PRIM2: variants seen among roughly 807,000 people sequenced by gnomAD.
The protein encoded by PRIM2 is DNA primase large subunit.
PRIM2 carries 39 observed loss-of-function variants against 67.3 expected under a neutral mutation model. The ratio of observed to expected loss-of-function variants is 0.58; its 90% CI spans 0.45 to 0.76. The LOEUF (loss-of-function observed/expected upper bound fraction) is 0.76. Ranked by LOEUF, PRIM2 falls within the 30% of genes least tolerant of loss-of-function variation. PRIM2 has a pLI of 0.00. For missense variants in PRIM2, 398 were observed against 598.7 expected, an observed-to-expected ratio of 0.66 and a Z score of 3.50; for synonymous variants, 143 against 198.7, an observed-to-expected ratio of 0.72 and a Z score of 2.36.
intron 10 of PRIM2, among the ~76,000 whole-genome samples, chr6:57,555,881 T>G (rs1775505255): frequency 6.6e-6 from 1 of 152,208 alleles, no homozygotes; most frequent in Admixed American, 6.5e-5. Flanking sequence ...GAGCCCTAAC[T>G]TTAGCCAAGG....
At chr6:57,323,642 G>GGA (rs1048672923) in intron 3 of PRIM2, among the ~76,000 whole-genome samples, 1 of 152,012 alleles carries the variant, frequency 6.6e-6, no homozygotes, top group African/African-American at 2.4e-5. Flanking sequence ...GGGGTCAAGG[G>GGA]GAGAGACAGC....
Position 57,506,006 on chromosome 6 carries a change from C to T in PRIM2, c.694-1381C>T, listed in dbSNP as rs1319208050. On this transcript the variant is annotated intron_variant, in intron 7 of 13. Coordinates refer to ENST00000615550, the MANE Select transcript of PRIM2 (RefSeq NM_000947.5). ...AATGGCATTTTGTAACAGGATTTGA[C>T]ATTAACAGATAAAGGATGTATTAAA... Among the ~76,000 whole-genome samples the T allele has an allele frequency of 6.3e-4, 96 of 151,962 alleles. No homozygotes were observed. In the East Asian group the frequency reaches 0.016, roughly 25 times the overall value.
At chr6:57,426,022 A>T (rs1771612637) in intron 7 of PRIM2, among the ~76,000 whole-genome samples, 1 of 152,226 alleles carries the variant, frequency 6.6e-6, no homozygotes, top group African/African-American at 2.4e-5. Context: ...CTTTTCACAT[A>T]AAGATATATT....
At chr6:57,523,682 T>G (rs1774677878) in intron 8 of PRIM2, among the ~76,000 whole-genome samples, 1 of 148,436 alleles carries the variant, frequency 6.7e-6, no homozygotes, top group Admixed American at 6.7e-5. Context: ...ATGATCCATC[T>G]TCTGCTAACA....
chr6:57,420,377 C>G (rs547792568), intron 7 of PRIM2, among the ~76,000 whole-genome samples: 1 of 152,188 alleles, frequency 6.6e-6, no homozygotes. Context: ...GTGGCGTGCA[C>G]CTGTAATCCC....
intron 10 of PRIM2, among the ~76,000 whole-genome samples, chr6:57,557,415 T>C (rs1163414778): frequency 6.6e-6 from 1 of 152,162 alleles, no homozygotes; most frequent in Non-Finnish European, 1.5e-5. Flanking sequence ...GGTACACATA[T>C]ACCATGGAAT....
the PRIM2 span, among the ~76,000 whole-genome samples, chr6:57,244,512 G>A: frequency 6.6e-6 from 1 of 152,166 alleles, no homozygotes; most frequent in Non-Finnish European, 1.5e-5. Flanking sequence ...TGTAATCCTA[G>A]CACTTTGGGA....
At chr6:57,369,904 A>T (rs1769488268) in intron 5 of PRIM2, among the ~76,000 whole-genome samples, 2 of 152,252 alleles carry the variant, frequency 1.3e-5, no homozygotes, top group South Asian at 4.1e-4. Context: ...CAAAATGTAA[A>T]TTACAGGTAG....
chr6:57,638,575 G>GAAAA (rs1777164425), intron 13 of PRIM2, among the ~76,000 whole-genome samples: 1 of 12,118 alleles, frequency 8.3e-5, no homozygotes, highest in African/African-American at 4.2e-4. Context: ...CAAACAGAAA[G>GAAAA]CAAAAAAAAA....
chr6:57,370,907 A>G (rs1050401628), intron 5 of PRIM2, among the ~76,000 whole-genome samples: 6 of 152,104 alleles, frequency 3.9e-5, no homozygotes, highest in African/African-American at 1.4e-4. Context: ...CATGTTGGCC[A>G]GGCTGGGCTC....
chr6:57,379,557 T>C (rs1462443805), intron 5 of PRIM2, among the ~76,000 whole-genome samples: 1 of 152,206 alleles, frequency 6.6e-6, no homozygotes, highest in Non-Finnish European at 1.5e-5. Context: ...TAACTCAAAT[T>C]AGGATAATGC....
the PRIM2 span, among the ~76,000 whole-genome samples, chr6:57,301,616 A>G: frequency 6.6e-6 from 1 of 152,240 alleles, no homozygotes; most frequent in African/African-American, 2.4e-5. Context: ...AGCCTGGCCA[A>G]CATGGTGAAA....
At chr6:57,394,676 C>T (rs78199903) in intron 7 of PRIM2, among the ~76,000 whole-genome samples, 9 of 152,116 alleles carry the variant, frequency 5.9e-5, no homozygotes, top group Admixed American at 2.6e-4. Flanking sequence ...CTGATTGCTC[C>T]GGCTAGGACT....
intron 7 of PRIM2, among the ~76,000 whole-genome samples, chr6:57,458,995 A>G (rs1411302611): frequency 1.3e-5 from 2 of 152,208 alleles, no homozygotes; most frequent in Non-Finnish European, 2.9e-5. Context: ...TGAACAAAAA[A>G]ATAACTATTT....
chr6:57,434,901 A>T (rs994370162), intron 7 of PRIM2: 2 of 152,028 alleles, frequency 1.3e-5, no homozygotes, highest in Non-Finnish European at 2.9e-5. Flanking sequence ...CCAGCCTCCG[A>T]GTAGCTGGGA....
chr6:57,597,387 TA>T (rs1301212498), intron 10 of PRIM2, among the ~76,000 whole-genome samples: 4 of 151,168 alleles, frequency 2.6e-5, no homozygotes, highest in African/African-American at 9.7e-5. Context: ...TTATCCTCCT[TA>T]AACCTTTAGG....
chr6:57,456,575 A>C (rs1445767460), intron 7 of PRIM2, among the ~76,000 whole-genome samples: 2 of 152,302 alleles, frequency 1.3e-5, no homozygotes, highest in Admixed American at 6.5e-5. Flanking sequence ...CAGTTGATCG[A>C]ATCGGCTACT....
intron 5 of PRIM2, among the ~76,000 whole-genome samples, chr6:57,357,375 C>G (rs1452333353): frequency 6.6e-6 from 1 of 152,172 alleles, no homozygotes; most frequent in Non-Finnish European, 1.5e-5. Context: ...AGCTCTCATC[C>G]CTGTTTACCT....
chr6:57,616,695 T>A (rs1776763608), intron 12 of PRIM2, among the ~76,000 whole-genome samples: 1 of 152,058 alleles, frequency 6.6e-6, no homozygotes, highest in Admixed American at 6.6e-5. Flanking sequence ...TTTTAAAATG[T>A]ACAATTCAGT....
Sources: gnomAD v4.1 joint callset for allele counts (sites outside exome capture counted in the v4.1 genomes callset) on GRCh38, gnomAD v4.1.1 for gene constraint, MANE v1.5 for transcripts, NCBI Gene and HGNC (gene_info 2026-07-23, HGNC 2026-07-21) for gene names.